The following CD300E variants were observed in gnomAD, a reference collection of about 807,000 sequenced individuals.
CD300E encodes CD300e molecule.
Under a neutral mutation model 20.9 loss-of-function variants are expected in CD300E, and 14 were observed. The ratio of observed to expected loss-of-function variants is 0.67; its 90% confidence interval spans 0.44 to 1.05. The LOEUF is 1.05. CD300E is among the 50% of genes least tolerant of loss of function. The probability of loss-of-function intolerance (pLI) is 0.00; values close to 1 mark genes in which losing one functional copy is unlikely to be tolerated. For missense variants in CD300E, 237 were observed against 253.9 expected (o/e 0.93, Z 0.45); for synonymous variants, 102 against 103.7 (o/e 0.98, Z 0.10).
At chr17:74,614,728 C>T (rs2030862589) in intron 2 of CD300E, among the ~76,000 whole-genome samples, 1 of 152,136 alleles carries the variant, frequency 6.6e-6, no homozygotes, top group Non-Finnish European at 1.5e-5. Context: ...GTGATCTGCC[C>T]TCCTTGGCCT....
chr17:74,610,171 C>G lies in CD300E; in HGVS notation c.*2482G>C, dbSNP rs951153156. On this transcript the variant is annotated 3_prime_UTR_variant, in exon 4 of 4. Coordinates refer to ENST00000392619, the MANE Select transcript of CD300E (RefSeq NM_181449.3). The stretch of plus-strand genomic sequence containing the variant: ...TCAATCCCGGTCCTCCTCCACCTCT[C>G]TAGCTCTGCTCTCCTCCTTGAAACA... The G allele has an allele frequency of 2.0e-5, 3 of 152,492 alleles. No homozygotes were observed. The highest frequency in any genetic ancestry group is 2.0e-4 in the Admixed American group (3 of 15,288). 9.4% of individuals were successfully genotyped at this position (152,492 alleles called of 1,614,324 possible).
chr17:74,611,032 C>T lies in CD300E; in HGVS notation c.*1621G>A, dbSNP rs2030764553. 6.6e-6 allele frequency: 1 copy of T among 152,294 alleles called. No individual in the cohort carries two copies. The highest frequency in any genetic ancestry group is 1.5e-5 in the Non-Finnish European group (1 of 68,072). 9.4% of individuals were successfully genotyped at this position (152,294 alleles called of 1,614,324 possible). A position where few individuals can be genotyped will look rare whatever the true frequency, so the allele number is the denominator to read the frequency against. On this transcript the variant is annotated 3_prime_UTR_variant, in exon 4 of 4. Transcript: ENST00000392619. The stretch of plus-strand genomic sequence containing the variant: ...GGCATGATATTCTCCTCACCAACCC[C>T]CTGACATCAGGAAGCATCTCTTGTG...
At chr17:74,614,412 G>A (rs1266633250) in intron 2 of CD300E, among the ~76,000 whole-genome samples, 2 of 151,826 alleles carry the variant, frequency 1.3e-5, no homozygotes, top group African/African-American at 4.8e-5. Context: ...GGCTCAGCCT[G>A]TGGCCCAAGA....
chr17:74,620,667 A>G (rs950951893), intron 1 of CD300E, among the ~76,000 whole-genome samples: 1 of 151,804 alleles, frequency 6.6e-6, no homozygotes, highest in Admixed American at 6.6e-5. Flanking sequence ...GTCACTTGTA[A>G]AGACTTATAT....
At chr17:74,621,782 T>A (rs2031028143) in intron 1 of CD300E, among the ~76,000 whole-genome samples, 1 of 152,192 alleles carries the variant, frequency 6.6e-6, no homozygotes, top group African/African-American at 2.4e-5. Context: ...TTCCAGCTTG[T>A]CTACTTAGTT....
intron 1 of CD300E, among the ~76,000 whole-genome samples, chr17:74,618,233 G>A (rs1458601978): frequency 4.6e-5 from 7 of 152,268 alleles, no homozygotes; most frequent in Admixed American, 4.6e-4. Flanking sequence ...GTAGGCAGAA[G>A]TTCAGGCATT....
intron 2 of CD300E, among the ~76,000 whole-genome samples, 154 bp downstream of exon 2, chr17:74,616,964 G>A (rs543836659): frequency 2.2e-4 from 34 of 152,206 alleles, no homozygotes; most frequent in Admixed American, 2.0e-3. Context: ...AGGATCAGCC[G>A]CCTCTCTCCA....
At position 74,610,732 on chromosome 17, in the gene CD300E, G is replaced by C. The variant is rs1014023802; in HGVS notation, c.*1921C>G. 1 of 152,256 alleles carries C rather than the reference G, an allele frequency of 6.6e-6. No individual in the cohort carries two copies. Among genetic ancestry groups the C allele is most frequent in the African/African-American group, 2.4e-5 (1 of 41,442 alleles). The allele number at this position is 152,256 out of a possible 1,614,324, so 9.4% of individuals were successfully genotyped here. On this transcript the variant is annotated 3_prime_UTR_variant, in exon 4 of 4. Transcript: ENST00000392619. The stretch of plus-strand genomic sequence containing the variant: ...CCACCACCTGAGTTCTTCTAGATTA[G>C]TTCCATCTGGCCTGCCACAGGAAAA...
chr17:74,621,549 A>T (rs1336876559), intron 1 of CD300E, among the ~76,000 whole-genome samples: 1 of 152,216 alleles, frequency 6.6e-6, no homozygotes, highest in Non-Finnish European at 1.5e-5. Flanking sequence ...AATTGATGGA[A>T]TTATATAAAT....
chr17:74,615,064 A>G (rs2030871319), intron 2 of CD300E, among the ~76,000 whole-genome samples: 1 of 152,234 alleles, frequency 6.6e-6, no homozygotes, highest in African/African-American at 2.4e-5. Flanking sequence ...GGAGGGGCAG[A>G]GACACATAAA....
intron 2 of CD300E, 142 bp downstream of exon 2, chr17:74,616,976 G>T: frequency 1.4e-6 from 1 of 733,342 alleles, no homozygotes; most frequent in Non-Finnish European, 2.3e-6. Context: ...CTCTCTCCAT[G>T]CCCATGCCAT....
chr17:74,616,249 G>C (rs1432223553), intron 2 of CD300E, among the ~76,000 whole-genome samples: 2 of 152,112 alleles, frequency 1.3e-5, no homozygotes, highest in South Asian at 2.1e-4. Flanking sequence ...GCATGAGGAT[G>C]GGGGAGAGCT....
Position 74,612,287 on chromosome 17 carries a change from G to A in CD300E, c.*366C>T. ...TCTCTCTCTCTCTCTCTGAGACAGG[G>A]CTCTCTATGTTGCCCAGGCTGGCCT... On this transcript the variant is annotated 3_prime_UTR_variant, in exon 4 of 4. Coordinates refer to ENST00000392619, the MANE Select transcript of CD300E (RefSeq NM_181449.3). 6.3e-6 allele frequency: 1 copy of A among 158,534 alleles called. No individual in the cohort carries two copies. The allele number at this position is 158,534 out of a possible 1,614,324, so 9.8% of individuals were successfully genotyped here.
chr17:74,623,642 C>A lies in CD300E; in HGVS notation c.-21G>T, dbSNP rs779588520. ...CACATGTTCCTGTCTCCTTGGCTTC[C>A]GTCCTCAGCAAATCTAGGTCCCAGC... On this transcript the variant is annotated 5_prime_UTR_variant, in exon 1 of 4. The change creates a premature stop within an existing upstream ORF in the 5' untranslated region. Coordinates refer to ENST00000392619, the MANE Select transcript of CD300E (RefSeq NM_181449.3). 1.2e-6 allele frequency: 2 copies of A among 1,614,078 alleles called. No individual in the cohort carries two copies. Among genetic ancestry groups the A allele is most frequent in the Non-Finnish European group, 1.7e-6 (2 of 1,179,928 alleles).
At chr17:74,621,369 T>G (rs1424448228) in intron 1 of CD300E, among the ~76,000 whole-genome samples, 3 of 152,188 alleles carry the variant, frequency 2.0e-5, no homozygotes, top group Non-Finnish European at 2.9e-5. Context: ...GGGTCTTGAA[T>G]GGACCAGTGA....
At chr17:74,614,063 G>T in intron 2 of CD300E, 30 bp from the exon 3 acceptor site, 1 of 1,547,656 alleles carries the variant, frequency 6.5e-7, no homozygotes, top group Non-Finnish European at 8.9e-7. Context: ...TGCATCAGCC[G>T]TGCCTGGGCT....
At position 74,616,076 on chromosome 17, in the gene CD300E, C is replaced by T. The variant is rs61536427; in HGVS notation, c.388+1042G>A. 5.4e-3 allele frequency among the ~76,000 whole-genome samples: 829 copies of T among 152,112 alleles called. 4 individuals are homozygous for T. Among genetic ancestry groups the T allele is most frequent in the African/African-American group, 0.019 (768 of 41,494 alleles). On this transcript the variant is annotated intron_variant, in intron 2 of 3. Transcript: ENST00000392619. ...TCCAGCCTGGGCAACAGAGTGAGAC[C>T]ATGTCTCAATAAAAGAAAAAAGAAA...
intron 1 of CD300E, among the ~76,000 whole-genome samples, chr17:74,622,924 G>A (rs988669365): frequency 1.4e-4 from 22 of 152,056 alleles, no homozygotes; most frequent in African/African-American, 5.3e-4. Context: ...TTTTAGTAGA[G>A]ACAGGGTTTC....
chr17:74,622,926 C>T (rs2031051373), intron 1 of CD300E, among the ~76,000 whole-genome samples: 1 of 152,058 alleles, frequency 6.6e-6, no homozygotes, highest in Non-Finnish European at 1.5e-5. Flanking sequence ...TTAGTAGAGA[C>T]AGGGTTTCAC....
Sources: allele counts gnomAD v4.1 joint callset (sites outside exome capture counted in the v4.1 genomes callset), GRCh38; gene constraint gnomAD v4.1.1; transcripts MANE v1.5; gene names NCBI Gene and HGNC (gene_info 2026-07-23, HGNC 2026-07-21).